CEP162: variants seen among roughly 807,000 people sequenced by gnomAD.
The protein encoded by CEP162 is centrosomal protein 162.
In CEP162, 141 loss-of-function variants were observed where a neutral mutation model predicts 169.2. The observed-to-expected ratio is 0.83, with a 90% confidence interval of 0.73 to 0.96. CEP162 has a LOEUF of 0.96. Ranked by LOEUF, CEP162 falls within the 40% of genes least tolerant of loss-of-function variation. The probability of loss-of-function intolerance (pLI) is 0.00; values close to 1 mark genes in which losing one functional copy is unlikely to be tolerated. For missense variants in CEP162, 1,600 were observed against 1,587.2 expected, an observed-to-expected ratio of 1.01 and a Z score of -0.14; for synonymous variants, 540 against 526.4, an observed-to-expected ratio of 1.03 and a Z score of -0.35.
intron 6 of CEP162, 109 bp from the exon 7 acceptor site, chr6:84,204,205 T>C: frequency 1.7e-6 from 1 of 600,820 alleles, no homozygotes; most frequent in South Asian, 2.4e-5. Flanking sequence ...GAATAGTTTA[T>C]TGAAATAGTA....
At chr6:84,217,405 G>C (rs539146585) in intron 3 of CEP162, among the ~76,000 whole-genome samples, 2 of 152,326 alleles carry the variant, frequency 1.3e-5, no homozygotes, top group South Asian at 2.1e-4. Context: ...ATGGCTTGGT[G>C]GGGGTGAGGG....
At chr6:84,164,536 G>C (rs1005439003) in intron 18 of CEP162, among the ~76,000 whole-genome samples, 5 of 152,184 alleles carry the variant, frequency 3.3e-5, no homozygotes, top group African/African-American at 9.7e-5. Context: ...ATGAATTCAT[G>C]TCCTTTGCAG....
chr6:84,164,449 C>T (rs2099526989), intron 18 of CEP162, among the ~76,000 whole-genome samples: 1 of 152,116 alleles, frequency 6.6e-6, no homozygotes, highest in Non-Finnish European at 1.5e-5. Flanking sequence ...GGAACCAACC[C>T]AAATGCCCAA....
intron 11 of CEP162, among the ~76,000 whole-genome samples, chr6:84,193,354 G>A (rs991074342): frequency 6.6e-6 from 1 of 152,234 alleles, no homozygotes; most frequent in Admixed American, 6.5e-5. Context: ...ATTTAAAGCT[G>A]AGGAGACTGT....
intron 12 of CEP162, among the ~76,000 whole-genome samples, chr6:84,185,930 A>C (rs919864810): frequency 6.6e-6 from 1 of 152,288 alleles, no homozygotes; most frequent in Admixed American, 6.5e-5. Flanking sequence ...CAGGAAAAAT[A>C]ATCAGTAAAA....
chr6:84,147,461 T>C (rs907553209), intron 24 of CEP162, among the ~76,000 whole-genome samples: 1 of 152,094 alleles, frequency 6.6e-6, no homozygotes, highest in African/African-American at 2.4e-5. Flanking sequence ...ATTATGTGTA[T>C]TTCACGGTAA....
intron 24 of CEP162, among the ~76,000 whole-genome samples, chr6:84,147,328 G>C (rs1435616019): frequency 6.6e-6 from 1 of 152,080 alleles, no homozygotes; most frequent in East Asian, 1.9e-4. Context: ...ACCAGAGATG[G>C]GAGTGGGGGG....
At chr6:84,137,284 T>C (rs1260858587) in intron 25 of CEP162, among the ~76,000 whole-genome samples, 2 of 152,204 alleles carry the variant, frequency 1.3e-5, no homozygotes, top group Non-Finnish European at 2.9e-5. Context: ...GGTTGTTGTG[T>C]GACTCTAAAC....
intron 20 of CEP162, among the ~76,000 whole-genome samples, chr6:84,161,342 T>C (rs955239695): frequency 6.6e-6 from 1 of 152,076 alleles, no homozygotes; most frequent in East Asian, 1.9e-4. Context: ...AGAGAGTAGA[T>C]ATTTGAGCCA....
chr6:84,216,338 A>T (rs151259668), intron 3 of CEP162, among the ~76,000 whole-genome samples: 287 of 152,254 alleles, frequency 1.9e-3, no homozygotes, highest in Non-Finnish European at 3.2e-3. Context: ...AACAAAATAC[A>T]AGGTGGCAAA....
intron 25 of CEP162, among the ~76,000 whole-genome samples, chr6:84,128,722 T>TG (rs896006609): frequency 2.0e-5 from 3 of 152,114 alleles, no homozygotes; most frequent in African/African-American, 7.2e-5. Context: ...TACTTTGTTC[T>TG]GGGGTACATG....
intron 8 of CEP162, among the ~76,000 whole-genome samples, chr6:84,201,404 ATG>A (rs768517778): frequency 3.6e-4 from 54 of 151,788 alleles, no homozygotes; most frequent in African/African-American, 1.0e-3. Context: ...TGTTTTATCT[ATG>A]TGTGTGTGTG....
intron 6 of CEP162, among the ~76,000 whole-genome samples, chr6:84,207,934 A>G (rs2099547909): frequency 6.6e-6 from 1 of 151,968 alleles, no homozygotes; most frequent in Non-Finnish European, 1.5e-5. Flanking sequence ...GACAAACATG[A>G]CCAATTGCTT....
chr6:84,201,824 C>T (rs1488185715), intron 7 of CEP162, 57 bp from the exon 8 acceptor site: 1 of 871,858 alleles, frequency 1.1e-6, no homozygotes, highest in Non-Finnish European at 1.8e-6. Flanking sequence ...TGTAAAATTA[C>T]CACAATGCAA....
At chr6:84,224,278 C>T (rs1397742349) in intron 2 of CEP162, among the ~76,000 whole-genome samples, 1 of 152,136 alleles carries the variant, frequency 6.6e-6, no homozygotes, top group Non-Finnish European at 1.5e-5. Flanking sequence ...GTACAAGAAA[C>T]CAGACCCAAA....
chr6:84,148,466 T>A (rs1265603029), intron 24 of CEP162, among the ~76,000 whole-genome samples: 1 of 152,036 alleles, frequency 6.6e-6, no homozygotes, highest in African/African-American at 2.4e-5. Context: ...GAGGCAGAGG[T>A]TGCAGTGAGC....
intron 25 of CEP162, among the ~76,000 whole-genome samples, chr6:84,142,406 ATGTGTG>A (rs907399374): frequency 1.3e-5 from 2 of 152,142 alleles, no homozygotes; most frequent in African/African-American, 4.8e-5. Context: ...ATCTATGTGT[ATGTGTG>A]TGTGTATATA....
chr6:84,186,292 G>GTTC, intron 12 of CEP162, 40 bp downstream of exon 12: 1 of 1,168,536 alleles, frequency 8.6e-7, no homozygotes, highest in East Asian at 2.4e-5. Flanking sequence ...CATAACTTCG[G>GTTC]TTCTCAATCT....
intron 25 of CEP162, among the ~76,000 whole-genome samples, chr6:84,128,741 G>A (rs781153504): frequency 2.6e-5 from 4 of 151,790 alleles, no homozygotes; most frequent in Non-Finnish European, 5.9e-5. Context: ...TGTGCAGAAC[G>A]TGCAGGTTTG....
Sources: allele counts gnomAD v4.1 joint callset (sites outside exome capture counted in the v4.1 genomes callset), GRCh38; gene constraint gnomAD v4.1.1; transcripts MANE v1.5; gene names NCBI Gene and HGNC (gene_info 2026-07-23, HGNC 2026-07-21).